INTS3: variants seen among roughly 807,000 people sequenced by gnomAD.
INTS3 encodes the protein SOSS complex subunit A.
Under a neutral mutation model 146.3 loss-of-function variants are expected in INTS3, and 34 were observed. That is an observed-to-expected ratio of 0.23 (90% CI 0.18 to 0.31). The LOEUF (loss-of-function observed/expected upper bound fraction) is 0.31. Ranked by LOEUF, INTS3 falls within the 10% of genes least tolerant of loss-of-function variation. INTS3 has a pLI of 1.00. For synonymous variants in INTS3, 475 were observed against 494.9 expected, an observed-to-expected ratio of 0.96 and a Z score of 0.53; for missense variants, 757 against 1,304.2, an observed-to-expected ratio of 0.58 and a Z score of 6.46.
intron 3 of INTS3, among the ~76,000 whole-genome samples, chr1:153,742,151 C>T (rs1173600858): frequency 6.6e-6 from 1 of 152,154 alleles, no homozygotes; most frequent in Non-Finnish European, 1.5e-5. Flanking sequence ...GCATGGGAAA[C>T]TGATCTGTTT....
intron 1 of INTS3, among the ~76,000 whole-genome samples, chr1:153,732,532 G>A (rs1242840124): frequency 6.6e-6 from 1 of 150,988 alleles, no homozygotes; most frequent in Non-Finnish European, 1.5e-5. Context: ...TGAAACCTCT[G>A]CCTCCTGTGT....
intron 1 of INTS3, among the ~76,000 whole-genome samples, chr1:153,732,746 C>T (rs1244005063): frequency 6.6e-6 from 1 of 151,824 alleles, no homozygotes; most frequent in Non-Finnish European, 1.5e-5. Flanking sequence ...CTGTGCCTGG[C>T]CATCCTTGGG....
chr1:153,753,363 C>A (rs1672034871), intron 8 of INTS3, among the ~76,000 whole-genome samples: 1 of 151,872 alleles, frequency 6.6e-6, no homozygotes, highest in Non-Finnish European at 1.5e-5. Flanking sequence ...TCAAGACCAT[C>A]CTGGGCAACA....
chr1:153,743,764 C>G (rs1231432153), intron 3 of INTS3, among the ~76,000 whole-genome samples: 2 of 152,104 alleles, frequency 1.3e-5, no homozygotes, highest in Non-Finnish European at 2.9e-5. Context: ...CTAAGCTGTG[C>G]AGGTGCTGGC....
intron 13 of INTS3, chr1:153,761,336 C>A: frequency 2.0e-6 from 1 of 500,788 alleles, no homozygotes; most frequent in Non-Finnish European, 3.5e-6. Flanking sequence ...CATGGCAAAA[C>A]CCGTGTCTAC....
rs1364872994 is a variant in INTS3 at position 153,728,588 on chromosome 1, GTCCA to G, written c.-38_-35del. 5 of 1,566,450 alleles carry G rather than the reference GTCCA, an allele frequency of 3.2e-6. No homozygotes were observed. The highest frequency in any genetic ancestry group is 4.3e-6 in the Non-Finnish European group (5 of 1,161,344). On this transcript the variant is annotated 5_prime_UTR_variant, in exon 1 of 30. Transcript: ENST00000318967. ...TCCAGAGATCCCGATATCTAGGACT[GTCCA>G]TCCATCCACTCCCTGACCTTTTCCC...
intron 21 of INTS3, 110 bp from the exon 22 acceptor site, chr1:153,768,783 T>C (rs1266961647): frequency 1.2e-6 from 1 of 807,448 alleles, no homozygotes; most frequent in Non-Finnish European, 2.1e-6. Context: ...TTAGGGCCTG[T>C]GTCTGGCTGA....
At chr1:153,769,107 C>A in intron 22 of INTS3, 146 bp downstream of exon 22, 2 of 670,864 alleles carry the variant, frequency 3.0e-6, no homozygotes, top group Non-Finnish European at 5.2e-6. Context: ...GCGCTTTCAG[C>A]CATGGGGCCT....
Position 153,752,301 on chromosome 1 carries a change from G to GTCGGGATC in INTS3, c.756_763dup (p.Val255GlyfsTer4). 1 of 1,613,318 alleles carries GTCGGGATC rather than the reference G, an allele frequency of 6.2e-7. No homozygotes were observed. Among genetic ancestry groups the GTCGGGATC allele is most frequent in the Non-Finnish European group, 8.5e-7 (1 of 1,179,508 alleles). ...AAGTTCATGGAATGTCTGATGATTGGTCGGGATCTCGTAAGACTACTTCAG... is the reference window on the plus strand; with the variant it reads ...AAGTTCATGGAATGTCTGATGATTGGTCGGGATCTCGGGATCTCGTAAGACTACTTCAG... On this transcript the variant is annotated frameshift_variant, in exon 8 of 30. Coordinates refer to ENST00000318967, the MANE Select transcript of INTS3 (RefSeq NM_023015.5). LOFTEE classifies it high-confidence loss of function.
intron 5 of INTS3, 166 bp from the exon 6 acceptor site, chr1:153,748,523 G>T (rs1357562821): frequency 1.4e-6 from 1 of 693,782 alleles, no homozygotes; most frequent in African/African-American, 1.8e-5. Flanking sequence ...GAGGCAAAGG[G>T]TGAAACTTTA....
Position 153,772,800 on chromosome 1 carries a change from C to T in INTS3, c.2894+89C>T. The T allele has an allele frequency of 6.3e-7, 1 of 1,577,972 alleles. No individual in the cohort carries two copies. The highest frequency in any genetic ancestry group is 8.6e-7 in the Non-Finnish European group (1 of 1,159,284). Reference sequence around the variant, plus strand: ...CTGCTAGGGACATAAACGTAATGGCCAGCAAGACCTTAGGGTCCAGGGTTG... The same window carrying T: ...CTGCTAGGGACATAAACGTAATGGCTAGCAAGACCTTAGGGTCCAGGGTTG... On this transcript the variant is annotated intron_variant, in intron 28 of 29. Transcript: ENST00000318967. This position sits in a 1 kb window ranked among gnomAD's most constrained non-coding sequence, Gnocchi z 4.6.
chr1:153,729,860 C>T (rs1464755645), intron 1 of INTS3, among the ~76,000 whole-genome samples: 1 of 73,182 alleles, frequency 1.4e-5, no homozygotes, highest in East Asian at 4.0e-4. Context: ...CGAGAGACCC[C>T]GTCTCAAAAA....
chr1:153,750,831 G>T (rs1387923554), intron 6 of INTS3: 6 of 460,572 alleles, frequency 1.3e-5, no homozygotes, highest in Admixed American at 3.8e-5. Flanking sequence ...TAAGTAGTTA[G>T]GTGGTAAAAA....
At position 153,764,670 on chromosome 1, in the gene INTS3, A is replaced by G; in HGVS notation, c.1926-20A>G. The G allele has an allele frequency of 6.3e-7, 1 of 1,593,026 alleles. No individual in the cohort carries two copies. The highest frequency in any genetic ancestry group is 8.6e-7 in the Non-Finnish European group (1 of 1,160,858). On this transcript the variant is annotated intron_variant, in intron 18 of 29. Coordinates refer to ENST00000318967, the MANE Select transcript of INTS3 (RefSeq NM_023015.5). ...CAGCCCCCCTCACATGGATTCTCAA[A>G]TATAACCCTCTTCTTGTAGGTCCCT...
intron 1 of INTS3, among the ~76,000 whole-genome samples, chr1:153,734,368 G>A (rs1671208423): frequency 6.6e-6 from 1 of 152,114 alleles, no homozygotes; most frequent in Non-Finnish European, 1.5e-5. Context: ...ATCCCTGTTT[G>A]GAAAAGTAAT....
Position 153,772,694 on chromosome 1 carries a change from C to T in INTS3, c.2877C>T (p.Asp959=), listed in dbSNP as rs2101834812. ...QALQHVQASC[D]EAHKMKFSDL... ...TGCAGCATGTCCAAGCGAGCTGTGA[C>T]GAAGCCCACAAGATGAAGTGAGGCT... The change falls in exon 28 of 30, where the codon GAC becomes GAT. Residue 959 remains aspartate (D), a synonymous_variant. Transcript: ENST00000318967. The surrounding 1 kb of genome is among the most constrained non-coding windows in gnomAD (Gnocchi z 4.6). 1.2e-5 allele frequency: 20 copies of T among 1,614,004 alleles called. No homozygotes were observed. The highest frequency in any genetic ancestry group is 1.6e-5 in the Non-Finnish European group (19 of 1,179,916).
At chr1:153,761,348 A>G (rs1033732336) in intron 13 of INTS3, 65 of 510,062 alleles carry the variant, frequency 1.3e-4, no homozygotes, top group Non-Finnish European at 2.0e-4. Flanking sequence ...CGTGTCTACT[A>G]AAAATACAAA....
At chr1:153,752,615 G>A (rs368451784) in intron 8 of INTS3, among the ~76,000 whole-genome samples, 55 of 152,260 alleles carry the variant, frequency 3.6e-4, no homozygotes, top group African/African-American at 1.3e-3. Context: ...GCCCCTACTT[G>A]GCAGACTCCA....
rs751539398 is a variant in INTS3, at chr1:153,767,667, C to A, written c.2091-7C>A. 11 of 1,572,600 alleles carry A rather than the reference C, an allele frequency of 7.0e-6. No individual in the cohort carries two copies. The Admixed American group carries it at 1.6e-4, about 22-fold the overall frequency. ...GGCTGCTGGCTCAGGCCCAGCTGGT[C>A]TTGCAGCAAAGCCGCCGCAGGGAAG... On this transcript the variant is annotated splice_polypyrimidine_tract_variant and splice_region_variant and intron_variant, in intron 20 of 29. Coordinates refer to ENST00000318967, the MANE Select transcript of INTS3 (RefSeq NM_023015.5).
Sources: gnomAD v4.1 joint callset for allele counts (sites outside exome capture counted in the v4.1 genomes callset) on GRCh38, gnomAD v4.1.1 for gene constraint, Gnocchi (gnomAD v3.1) non-coding constraint, MANE v1.5 for transcripts, NCBI Gene and HGNC (gene_info 2026-07-23, HGNC 2026-07-21) for gene names.